Variants in ALK observed in about 807,000 individuals in gnomAD.
ALK encodes the protein ALK tyrosine kinase receptor.
ALK carries 74 observed loss-of-function variants against 163.1 expected under a neutral mutation model. That is an observed-to-expected ratio of 0.45 (90% CI 0.38 to 0.55). ALK has a LOEUF of 0.55. ALK is among the 20% of genes least tolerant of loss of function. The probability of loss-of-function intolerance (pLI) is 0.00; values close to 1 mark genes in which losing one functional copy is unlikely to be tolerated. For missense variants in ALK, 2,063 were observed against 2,105.3 expected (o/e 0.98, Z 0.39); for synonymous variants, 960 against 843.2 (o/e 1.14, Z -2.40).
At chr2:29,489,951 A>G (rs754191940) in intron 4 of ALK, among the ~76,000 whole-genome samples, 5 of 152,260 alleles carry the variant, frequency 3.3e-5, no homozygotes, top group Non-Finnish European at 5.9e-5. Context: ...TATCAGAAAC[A>G]TGGTTGTTGC....
At chr2:29,203,723 A>T (rs1330750965) in intron 26 of ALK, among the ~76,000 whole-genome samples, 1 of 151,388 alleles carries the variant, frequency 6.6e-6, no homozygotes, top group Admixed American at 6.6e-5. Flanking sequence ...TGACCTCATG[A>T]TCCACCTGCC....
intron 11 of ALK, among the ~76,000 whole-genome samples, chr2:29,261,229 C>A (rs776551595): frequency 6.6e-6 from 1 of 152,180 alleles, no homozygotes; most frequent in Non-Finnish European, 1.5e-5. Context: ...GATGCTGATA[C>A]CATGCAGGTC....
intron 3 of ALK, among the ~76,000 whole-genome samples, chr2:29,564,563 C>A (rs936477713): frequency 6.6e-6 from 1 of 152,206 alleles, no homozygotes; most frequent in African/African-American, 2.4e-5. Context: ...AGCTGCCTCA[C>A]ACTGGACTGG....
intron 1 of ALK, chr2:29,890,311 G>C (rs1163673648): frequency 7.2e-6 from 1 of 138,936 alleles, no homozygotes; most frequent in Non-Finnish European, 1.6e-5. Context: ...GAAGTTTCCA[G>C]AGTCAAACAG....
rs116184186 is a variant in ALK, at chr2:29,752,112, A to G, written c.668-34415T>C. 3.9e-5 allele frequency among the ~76,000 whole-genome samples: 6 copies of G among 152,308 alleles called. No individual in the cohort carries two copies. In the South Asian group the frequency reaches 1.2e-3, roughly 32 times the overall value. On this transcript the variant is annotated intron_variant, in intron 1 of 28. Transcript: ENST00000389048. ...GAACTTATGATGGCATAACTTAATGATCTTCTGACTTTATGATGGTGCAAA... is the reference window on the plus strand; with the variant it reads ...GAACTTATGATGGCATAACTTAATGGTCTTCTGACTTTATGATGGTGCAAA...
At chr2:29,303,813 A>AT (rs1375009968) in intron 8 of ALK, among the ~76,000 whole-genome samples, 1 of 152,204 alleles carries the variant, frequency 6.6e-6, no homozygotes, top group Non-Finnish European at 1.5e-5. Flanking sequence ...GTGCTCACTT[A>AT]TGAGTGGGGG....
intron 3 of ALK, among the ~76,000 whole-genome samples, chr2:29,621,261 T>C (rs10181175): frequency 0.79 from 119,959 of 152,146 alleles, 47,792 homozygotes; most frequent in African/African-American, 0.9. Flanking sequence ...CAACACTGTC[T>C]TAGATGAATT....
rs2148168544 is a variant in ALK, at chr2:29,222,348, T to C, written c.3511A>G (p.Ile1171Val). The C allele has an allele frequency of 6.2e-7, 1 of 1,614,054 alleles. No individual in the cohort carries two copies. The highest frequency in any genetic ancestry group is 8.5e-7 in the Non-Finnish European group (1 of 1,179,986). Residue 1171 changes from isoleucine (I) to valine (V), a missense_variant, in exon 22 of 29, where the codon ATC becomes GTC. By Grantham distance (29) the Ile-to-Val change is conservative (BLOSUM62 3). Around this residue, in one of 5 missense-constraint regions of ALK, gnomAD observed 575 missense variants for 626.6 expected, o/e 0.92. Transcript: ENST00000389048. Reference protein sequence around the residue: ...ELDFLMEALIISKFNHQNIVR... With the variant: ...ELDFLMEALIVSKFNHQNIVR... ...GGTGTCTCTCTGTGGCTTTACCTGATGATCAGGGCTTCCATGAGGAAATCC... is the reference window on the plus strand; with the variant it reads ...GGTGTCTCTCTGTGGCTTTACCTGACGATCAGGGCTTCCATGAGGAAATCC...
chr2:29,895,928 C>T (rs1032671898), intron 1 of ALK, among the ~76,000 whole-genome samples: 3 of 152,188 alleles, frequency 2.0e-5, no homozygotes, highest in African/African-American at 7.2e-5. Flanking sequence ...CCCTGGTCTT[C>T]CCTACATTCC....
intron 1 of ALK, among the ~76,000 whole-genome samples, chr2:29,802,841 AG>A (rs1428287470): frequency 6.6e-6 from 1 of 151,398 alleles, no homozygotes; most frequent in East Asian, 2.0e-4. Flanking sequence ...GAAGGAGGAA[AG>A]GGTTGAAAAA....
intron 5 of ALK, among the ~76,000 whole-genome samples, chr2:29,345,700 C>T (rs1667929511): frequency 6.6e-6 from 1 of 151,978 alleles, no homozygotes; most frequent in Non-Finnish European, 1.5e-5. Context: ...ACCATGAAAG[C>T]AAAAACAAAG....
intron 1 of ALK, among the ~76,000 whole-genome samples, chr2:29,912,224 A>G (rs1314885311): frequency 6.6e-6 from 1 of 152,228 alleles, no homozygotes; most frequent in African/African-American, 2.4e-5. Flanking sequence ...TTGATGAAAG[A>G]CATAAACTTA....
At chr2:29,602,067 A>G (rs1425621748) in intron 3 of ALK, among the ~76,000 whole-genome samples, 1 of 152,154 alleles carries the variant, frequency 6.6e-6, no homozygotes, top group Non-Finnish European at 1.5e-5. Flanking sequence ...TTATATTACT[A>G]ATTGCCTGTG....
intron 4 of ALK, among the ~76,000 whole-genome samples, chr2:29,402,311 C>T (rs1050069054): frequency 1.3e-5 from 2 of 152,224 alleles, no homozygotes; most frequent in Admixed American, 6.5e-5. Context: ...AACAACTTCC[C>T]CACAGGCCTG....
At chr2:29,265,377 C>T (rs1162700820) in intron 11 of ALK, among the ~76,000 whole-genome samples, 3 of 152,156 alleles carry the variant, frequency 2.0e-5, no homozygotes, top group Non-Finnish European at 2.9e-5. Flanking sequence ...GGCCACTCCC[C>T]TAATCCCATG....
At chr2:29,826,995 G>C (rs894345044) in intron 1 of ALK, among the ~76,000 whole-genome samples, 16 of 152,240 alleles carry the variant, frequency 1.1e-4, no homozygotes, top group African/African-American at 3.9e-4. Context: ...ACCCTTACAG[G>C]AGATTGATTT....
intron 5 of ALK, among the ~76,000 whole-genome samples, chr2:29,362,216 A>G (rs1445742652): frequency 6.6e-6 from 1 of 152,166 alleles, no homozygotes; most frequent in Non-Finnish European, 1.5e-5. Flanking sequence ...AATACAGGAG[A>G]AGGACGGGAG....
intron 3 of ALK, among the ~76,000 whole-genome samples, chr2:29,570,138 C>A (rs774045713): frequency 2.6e-5 from 4 of 152,152 alleles, no homozygotes; most frequent in African/African-American, 9.7e-5. Flanking sequence ...TTATTTATTT[C>A]TCATTAGACT....
intron 1 of ALK, among the ~76,000 whole-genome samples, chr2:29,814,258 G>T (rs994105178): frequency 3.9e-5 from 6 of 152,266 alleles, no homozygotes; most frequent in Admixed American, 1.3e-4. Context: ...TGGTGGAGCT[G>T]TGAGTTTAAT....
Sources: gnomAD v4.1 joint callset for allele counts (sites outside exome capture counted in the v4.1 genomes callset) on GRCh38, gnomAD v4.1.1 for gene constraint, gnomAD v4.1.1 regional missense constraint, MANE v1.5 for transcripts, NCBI Gene and HGNC (gene_info 2026-07-23, HGNC 2026-07-21) for gene names.